PLCE1: variants seen among roughly 807,000 people sequenced by gnomAD.
PLCE1 encodes phospholipase C epsilon 1.
Under a neutral mutation model 242.8 loss-of-function variants are expected in PLCE1, and 119 were observed. The ratio of observed to expected loss-of-function variants is 0.49; its 90% CI spans 0.42 to 0.57. PLCE1 has a LOEUF of 0.57. PLCE1 is among the 20% of genes least tolerant of loss of function. The pLI is 0.00. For missense variants in PLCE1, 2,441 were observed against 2,788.8 expected (o/e 0.88, Z 2.81); for synonymous variants, 945 against 1,017.4 (o/e 0.93, Z 1.35).
At chr10:94,123,035 T>C (rs2046342218) in intron 2 of PLCE1, among the ~76,000 whole-genome samples, 1 of 152,194 alleles carries the variant, frequency 6.6e-6, no homozygotes, top group Non-Finnish European at 1.5e-5. Context: ...AAAATGTTTA[T>C]TAAAGCTTGG....
Position 94,306,814 on chromosome 10 carries a change from AG to A in PLCE1, c.5884+128del, listed in dbSNP as rs1344613272. On this transcript the variant is annotated intron_variant, in intron 26 of 32. Coordinates refer to ENST00000371380, the MANE Select transcript of PLCE1 (RefSeq NM_016341.4). This position sits in a 1 kb window ranked among gnomAD's most constrained non-coding sequence, Gnocchi z 5.7. Reference sequence around the variant, plus strand: ...TAAAGAAGTTGAATTAAGAAGCAAAAGGAAATACAAATTGGAGCACTTTTGA... The same window carrying A: ...TAAAGAAGTTGAATTAAGAAGCAAAAGAAATACAAATTGGAGCACTTTTGA... 17 of 803,906 alleles carry A rather than the reference AG, an allele frequency of 2.1e-5. No homozygotes were observed. The highest frequency in any genetic ancestry group is 3.4e-5 in the African/African-American group (2 of 58,068). The allele number at this position is 803,906 out of a possible 1,614,324, so 49.8% of individuals were successfully genotyped here. A position where few individuals can be genotyped will look rare whatever the true frequency, so the allele number is the denominator to read the frequency against.
intron 3 of PLCE1, among the ~76,000 whole-genome samples, chr10:94,143,641 A>G (rs374339552): frequency 1.1e-4 from 16 of 152,220 alleles, no homozygotes; most frequent in African/African-American, 2.9e-4. Flanking sequence ...TTGAGTCTTC[A>G]AACCAAGAAA....
At chr10:94,076,303 G>C (rs1036897954) in intron 2 of PLCE1, among the ~76,000 whole-genome samples, 5 of 152,164 alleles carry the variant, frequency 3.3e-5, no homozygotes, top group Non-Finnish European at 7.3e-5. Context: ...TCCTGGCTTA[G>C]AGTAAAGACA....
intron 2 of PLCE1, among the ~76,000 whole-genome samples, chr10:94,090,083 C>A (rs2045003329): frequency 2.0e-5 from 3 of 151,810 alleles, no homozygotes; most frequent in Admixed American, 2.0e-4. Context: ...GGATATTAGA[C>A]CTTTGATAAG....
At chr10:94,099,541 G>A (rs1344260571) in intron 2 of PLCE1, 2 of 152,156 alleles carry the variant, frequency 1.3e-5, no homozygotes, top group Admixed American at 1.3e-4. Context: ...CATATGTCAA[G>A]GTTCAGTATT....
chr10:94,157,084 T>C (rs966303415), intron 3 of PLCE1, among the ~76,000 whole-genome samples: 2 of 152,174 alleles, frequency 1.3e-5, no homozygotes, highest in African/African-American at 4.8e-5. Flanking sequence ...ACATTTTATA[T>C]GAGTAAGTGA....
At chr10:94,053,684 C>A (rs2043826915) in intron 2 of PLCE1, among the ~76,000 whole-genome samples, 1 of 152,138 alleles carries the variant, frequency 6.6e-6, no homozygotes, top group Admixed American at 6.6e-5. Context: ...GAGGTCTCTG[C>A]CTCAGAAATA....
At chr10:94,218,327 A>G (rs535201006) in intron 4 of PLCE1, among the ~76,000 whole-genome samples, 20 of 152,158 alleles carry the variant, frequency 1.3e-4, no homozygotes, top group South Asian at 4.1e-4. Context: ...TATTCAATTT[A>G]TGTTACAGGT....
chr10:94,269,777 T>C (rs562033697), intron 17 of PLCE1, among the ~76,000 whole-genome samples: 1 of 152,286 alleles, frequency 6.6e-6, no homozygotes, highest in East Asian at 1.9e-4. Context: ...GAGCATCAGT[T>C]CCACCTAAGA....
intron 2 of PLCE1, among the ~76,000 whole-genome samples, chr10:94,090,944 A>G (rs2045043751): frequency 6.6e-6 from 1 of 152,248 alleles, no homozygotes; most frequent in South Asian, 2.1e-4. Context: ...GAGTTAAAAC[A>G]TGCAGACTCT....
At chr10:94,095,457 A>G (rs2045271737) in intron 2 of PLCE1, among the ~76,000 whole-genome samples, 1 of 152,152 alleles carries the variant, frequency 6.6e-6, no homozygotes, top group African/African-American at 2.4e-5. Context: ...CCCAGGTTCA[A>G]GCGATCCTCT....
At chr10:94,081,541 G>T (rs1406482741) in intron 2 of PLCE1, among the ~76,000 whole-genome samples, 1 of 152,198 alleles carries the variant, frequency 6.6e-6, no homozygotes, top group Non-Finnish European at 1.5e-5. Context: ...GCAGTATGCA[G>T]TTGAGTATAT....
intron 1 of PLCE1, among the ~76,000 whole-genome samples, chr10:94,026,705 G>T (rs1286473543): frequency 6.6e-6 from 1 of 152,160 alleles, no homozygotes; most frequent in Admixed American, 6.6e-5. Flanking sequence ...GATGTGGAAA[G>T]TATATCTCAA....
chr10:94,212,534 G>T (rs1045611302), intron 4 of PLCE1, among the ~76,000 whole-genome samples: 2 of 152,138 alleles, frequency 1.3e-5, no homozygotes, highest in African/African-American at 4.8e-5. Context: ...GGGATTACAG[G>T]CATGAGCCAC....
In PLCE1 at chr10:94,270,701, G is replaced by A. The variant is rs1969867; in HGVS notation, c.4506+99G>A. On this transcript the variant is annotated intron_variant, in intron 18 of 32. Coordinates refer to ENST00000371380, the MANE Select transcript of PLCE1 (RefSeq NM_016341.4). ...GTTTTGTTTTTTGAGACAGAGTCTC[G>A]CTCTCTCACCCAGGCTGGAGTGCAG... 111 of 807,666 alleles carry A rather than the reference G, an allele frequency of 1.4e-4. 2 individuals carry two copies. The highest frequency in any genetic ancestry group is 7.4e-4 in the Admixed American group (43 of 58,450). 50.0% of individuals were successfully genotyped at this position (807,666 alleles called of 1,614,324 possible).
chr10:94,111,867 C>T (rs1020744982), intron 2 of PLCE1, among the ~76,000 whole-genome samples: 3 of 152,160 alleles, frequency 2.0e-5, no homozygotes, highest in Admixed American at 6.5e-5. Context: ...TTTGTAGTGC[C>T]GCCGAAGGTT....
chr10:94,264,374 G>GA lies in PLCE1; in HGVS notation c.4054-1271dup, dbSNP rs769993769. ...CTGTGAGCTGCACAAGCCAGGCAGA[G>GA]AATGGCAGGCATGGTGTCAGACAGA... On this transcript the variant is annotated intron_variant, in intron 14 of 32. Coordinates refer to ENST00000371380, the MANE Select transcript of PLCE1 (RefSeq NM_016341.4). Among the ~76,000 whole-genome samples the GA allele has an allele frequency of 6.0e-4, 92 of 152,270 alleles. 2 individuals carry two copies. The highest frequency in any genetic ancestry group is 4.2e-3 in the Admixed American group (65 of 15,300).
At chr10:94,255,097 G>A in intron 11 of PLCE1, 48 bp downstream of exon 11, 1 of 1,584,978 alleles carries the variant, frequency 6.3e-7, no homozygotes, top group Admixed American at 1.7e-5. Context: ...CATTATTCCA[G>A]TTGTGTGGAA....
intron 14 of PLCE1, among the ~76,000 whole-genome samples, chr10:94,264,403 G>T (rs2051430007): frequency 6.6e-6 from 1 of 152,000 alleles, no homozygotes; most frequent in South Asian, 2.1e-4. Context: ...AGACAGATGT[G>T]CAAGGGCCCA....
Sources: allele counts gnomAD v4.1 joint callset (sites outside exome capture counted in the v4.1 genomes callset), GRCh38; gene constraint gnomAD v4.1.1; non-coding constraint Gnocchi (gnomAD v3.1); transcripts MANE v1.5; gene names NCBI Gene and HGNC (gene_info 2026-07-23, HGNC 2026-07-21).